Variants in NRG1 observed in about 807,000 individuals in gnomAD.
The protein encoded by NRG1 is neuregulin 1, also known as pro-neuregulin-1, membrane-bound isoform.
A neutral mutation model predicts 63.8 loss-of-function variants in NRG1; 18 were observed. The ratio of observed to expected loss-of-function variants is 0.28; its 90% confidence interval spans 0.19 to 0.42. NRG1 has a LOEUF of 0.42. Ranked by LOEUF, NRG1 falls within the 10% of genes least tolerant of loss-of-function variation. NRG1 has a pLI of 1.00. For synonymous variants in NRG1, 302 were observed against 301.3 expected (o/e 1.00, Z -0.02); for missense variants, 762 against 814.7 (o/e 0.94, Z 0.79).
rs756489856 is a variant in NRG1 at position 32,463,874 on chromosome 8, C to CTTTTTTTTTTTTTTTTTTTTTTT, written c.38-131937_38-131915dup. 1.9e-4 allele frequency among the ~76,000 whole-genome samples: 8 copies of CTTTTTTTTTTTTTTTTTTTTTTT among 42,356 alleles called. 2 individuals carry two copies. In the East Asian group the frequency reaches 3.6e-3, roughly 19 times the overall value. The allele number at this position is 42,356 out of a possible 152,430, so 27.8% of individuals were successfully genotyped here. A position where few individuals can be genotyped will look rare whatever the true frequency, so the allele number is the denominator to read the frequency against. On this transcript the variant is annotated intron_variant, in intron 1 of 10. Coordinates refer to the NRG1 transcript ENST00000519301. ...ACACACACGAAAAAAACTTAGAATT[C>CTTTTTTTTTTTTTTTTTTTTTTT]TTTTTTTTTTTTTTTTTTTTTTTTT...
At chr8:31,911,888 C>T (rs949075198) in intron 1 of NRG1, among the ~76,000 whole-genome samples, 4 of 152,142 alleles carry the variant, frequency 2.6e-5, no homozygotes, top group African/African-American at 9.7e-5. Flanking sequence ...GGATCTGTGA[C>T]ATCCAATTTT....
chr8:32,429,917 G>A (rs1291066277), intron 1 of NRG1, among the ~76,000 whole-genome samples: 2 of 152,100 alleles, frequency 1.3e-5, no homozygotes, highest in South Asian at 2.1e-4. Flanking sequence ...TATCCATATG[G>A]TGTTTGTGCA....
intron 1 of NRG1, among the ~76,000 whole-genome samples, chr8:31,845,389 A>T (rs1826592991): frequency 1.3e-5 from 2 of 152,226 alleles, no homozygotes; most frequent in East Asian, 3.9e-4. Flanking sequence ...TTTACATATT[A>T]TGTTGTTTTC....
chr8:32,632,076 AC>A (rs777855432), intron 5 of NRG1, among the ~76,000 whole-genome samples: 3 of 152,206 alleles, frequency 2.0e-5, no homozygotes, highest in Non-Finnish European at 2.9e-5. Flanking sequence ...GTGTTTATAA[AC>A]TTATGGCATT....
chr8:32,139,184 T>C (rs556813870), intron 1 of NRG1: 1 of 152,356 alleles, frequency 6.6e-6, no homozygotes, highest in South Asian at 2.1e-4. Flanking sequence ...TGGTATGAAA[T>C]CTTTCTTCTT....
chr8:32,769,114 A>G (rs1055519432), downstream of NRG1, among the ~76,000 whole-genome samples: 11 of 152,210 alleles, frequency 7.2e-5, no homozygotes, highest in African/African-American at 2.7e-4. Context: ...CACTTGCTCT[A>G]TAGTCATTTA....
chr8:31,807,762 T>TC, intron 1 of NRG1, among the ~76,000 whole-genome samples: 1 of 152,158 alleles, frequency 6.6e-6, no homozygotes, highest in South Asian at 2.1e-4. Flanking sequence ...GACCCTGGCT[T>TC]CCCCCCATTC....
chr8:32,637,065 C>T (rs1236554719), intron 5 of NRG1, among the ~76,000 whole-genome samples: 3 of 152,006 alleles, frequency 2.0e-5, no homozygotes, highest in Non-Finnish European at 4.4e-5. Flanking sequence ...AACCCAGAAA[C>T]ACCATGAAAA....
intron 1 of NRG1, among the ~76,000 whole-genome samples, chr8:31,911,537 G>A (rs1832944501): frequency 6.6e-6 from 1 of 152,104 alleles, no homozygotes. Flanking sequence ...GAAATGATGA[G>A]ACCACATGGG....
intron 1 of NRG1, among the ~76,000 whole-genome samples, chr8:31,882,991 G>T (rs1444163992): frequency 1.3e-5 from 2 of 152,120 alleles, no homozygotes; most frequent in East Asian, 3.8e-4. Context: ...AGCAGCAACA[G>T]GGTTTGAAAG....
chr8:32,545,888 CTTA>C (rs1833018120), upstream of NRG1, among the ~76,000 whole-genome samples: 2 of 152,104 alleles, frequency 1.3e-5, no homozygotes, highest in African/African-American at 4.8e-5. Flanking sequence ...ATCATCTTTC[CTTA>C]AAGTCCCTTC....
chr8:32,593,080 T>G (rs554381548), intron 1 of NRG1, among the ~76,000 whole-genome samples: 14 of 152,278 alleles, frequency 9.2e-5, no homozygotes, highest in African/African-American at 3.4e-4. Flanking sequence ...CTTGTCATCT[T>G]CATGTTGAGT....
In NRG1 at chr8:31,829,607, C is replaced by T. The variant is rs1161506183; in HGVS notation, c.37+190176C>T. On this transcript the variant is annotated intron_variant, in intron 1 of 10. Transcript: ENST00000519301. ...TACTTGTTTATTAAAAAGCTGGGGA[C>T]GATACTCTGTGAGGGTTTCTAAGGA... Among the ~76,000 whole-genome samples, 6 of 152,090 alleles carry T rather than the reference C, an allele frequency of 3.9e-5. No homozygotes were observed. The East Asian group carries it at 7.7e-4, about 20-fold the overall frequency.
chr8:32,265,625 T>G (rs898245518), intron 1 of NRG1, among the ~76,000 whole-genome samples: 1 of 152,112 alleles, frequency 6.6e-6, no homozygotes, highest in Non-Finnish European at 1.5e-5. Flanking sequence ...AGAGGATCAC[T>G]TGAGCTCAGG....
Position 32,055,638 on chromosome 8 carries a change from A to G in NRG1, c.37+416207A>G, listed in dbSNP as rs183425224. ...CTTCTCTCCCTCCTCCCTTGTCACA[A>G]AGCCTATAGGAAGGTATACTACATA... On this transcript the variant is annotated intron_variant, in intron 1 of 10. Coordinates refer to the NRG1 transcript ENST00000519301. 2.1e-4 allele frequency among the ~76,000 whole-genome samples: 32 copies of G among 151,688 alleles called. No individual in the cohort carries two copies. The East Asian group carries it at 6.1e-3, about 29-fold the overall frequency.
intron 5 of NRG1, among the ~76,000 whole-genome samples, chr8:32,690,420 C>T (rs1386650880): frequency 6.6e-6 from 1 of 152,092 alleles, no homozygotes; most frequent in Non-Finnish European, 1.5e-5. Flanking sequence ...AGCAGACCTA[C>T]TGTATTGCAA....
intron 2 of NRG1, among the ~76,000 whole-genome samples, chr8:32,598,537 C>T (rs1843756257): frequency 6.6e-6 from 1 of 151,980 alleles, no homozygotes; most frequent in Non-Finnish European, 1.5e-5. Context: ...GCACTGTCTA[C>T]ATATTAATAA....
At chr8:32,010,999 T>C (rs946475084) in intron 1 of NRG1, among the ~76,000 whole-genome samples, 4 of 152,012 alleles carry the variant, frequency 2.6e-5, no homozygotes, top group African/African-American at 9.7e-5. Context: ...AAAAGTAATA[T>C]CAGATTAGTA....
At chr8:32,123,240 C>A (rs1833695896) in intron 1 of NRG1, among the ~76,000 whole-genome samples, 1 of 151,914 alleles carries the variant, frequency 6.6e-6, no homozygotes, top group African/African-American at 2.4e-5. Flanking sequence ...AACTGTAGCT[C>A]TCATAATTCC....
Sources: gnomAD v4.1 joint callset for allele counts (sites outside exome capture counted in the v4.1 genomes callset) on GRCh38, gnomAD v4.1.1 for gene constraint, MANE v1.5 for transcripts, NCBI Gene and HGNC (gene_info 2026-07-23, HGNC 2026-07-21) for gene names.